FAF1: variants seen among roughly 807,000 people sequenced by gnomAD.
The protein encoded by FAF1 is FAS-associated factor 1.
A neutral mutation model predicts 92.5 loss-of-function variants in FAF1; 25 were observed. The observed-to-expected ratio is 0.27, with a 90% CI of 0.20 to 0.38. The LOEUF (loss-of-function observed/expected upper bound fraction) is 0.38. Among genes scored for constraint, FAF1 ranks in the 10% least tolerant of loss-of-function variants. The probability of loss-of-function intolerance (pLI) is 1.00; values close to 1 mark genes in which losing one functional copy is unlikely to be tolerated. For missense variants in FAF1, 636 were observed against 793.3 expected, an observed-to-expected ratio of 0.80 and a Z score of 2.38; for synonymous variants, 234 against 273.2, an observed-to-expected ratio of 0.86 and a Z score of 1.42.
intron 2 of FAF1, among the ~76,000 whole-genome samples, chr1:50,825,809 C>T (rs1011505809): frequency 6.6e-6 from 1 of 152,102 alleles, no homozygotes; most frequent in Admixed American, 6.5e-5. Flanking sequence ...GGACTGAAAT[C>T]ACATAGTACA....
At chr1:50,753,906 C>A (rs1398922368) in intron 4 of FAF1, among the ~76,000 whole-genome samples, 3 of 151,796 alleles carry the variant, frequency 2.0e-5, no homozygotes, top group Admixed American at 2.0e-4. Flanking sequence ...TACAGGGGTA[C>A]GCCACCATGC....
In FAF1 at chr1:50,475,590, G is replaced by C; in HGVS notation, c.1743C>G (p.Pro581=). The change falls in exon 18 of 19, where the codon CCC becomes CCG. Residue 581 remains proline, a synonymous_variant. Coordinates refer to ENST00000396153, the MANE Select transcript of FAF1 (RefSeq NM_007051.3). ...AACGCCGCTCCAAGAACTCGCCACT[G>C]GGGGTCCGGATCCGCAGTTTGCTCA... The part of the protein sequence containing the change: ...EPVSKLRIRT[P]SGEFLERRFL... 6.2e-7 allele frequency: 1 copy of C among 1,614,022 alleles called. No homozygotes were observed. Among genetic ancestry groups the C allele is most frequent in the Non-Finnish European group, 8.5e-7 (1 of 1,179,908 alleles).
chr1:50,605,241 G>T (rs1652322157), intron 8 of FAF1, among the ~76,000 whole-genome samples: 1 of 152,080 alleles, frequency 6.6e-6, no homozygotes, highest in Admixed American at 6.6e-5. Flanking sequence ...AAATGGATAT[G>T]CTTTTATAAC....
chr1:50,455,782 C>T (rs1646344210), intron 18 of FAF1, among the ~76,000 whole-genome samples: 2 of 152,134 alleles, frequency 1.3e-5, no homozygotes. Flanking sequence ...AGCTTAACCC[C>T]CTTCCTACTG....
At chr1:50,597,426 G>A (rs1651872389) in intron 8 of FAF1, among the ~76,000 whole-genome samples, 1 of 151,754 alleles carries the variant, frequency 6.6e-6, no homozygotes, top group South Asian at 2.1e-4. Flanking sequence ...TGACCCTAGT[G>A]GTGATGATGA....
At chr1:50,710,430 A>C (rs1657872187) in intron 6 of FAF1, among the ~76,000 whole-genome samples, 2 of 152,084 alleles carry the variant, frequency 1.3e-5, no homozygotes, top group African/African-American at 4.8e-5. Context: ...ACTACTTGCT[A>C]GTTCTTTGAC....
intron 15 of FAF1, among the ~76,000 whole-genome samples, chr1:50,500,607 CA>C (rs1646972246): frequency 6.6e-6 from 1 of 151,926 alleles, no homozygotes; most frequent in Non-Finnish European, 1.5e-5. Flanking sequence ...TTAGGTTAGG[CA>C]AATATGACCC....
chr1:50,714,152 C>G (rs1211269150), intron 6 of FAF1, among the ~76,000 whole-genome samples: 1 of 151,912 alleles, frequency 6.6e-6, no homozygotes, highest in African/African-American at 2.4e-5. Flanking sequence ...TTCATTCTCT[C>G]TTCACTGGTA....
intron 8 of FAF1, among the ~76,000 whole-genome samples, chr1:50,642,509 C>T (rs1036312991): frequency 3.3e-5 from 5 of 151,560 alleles, no homozygotes; most frequent in East Asian, 4.0e-4. Flanking sequence ...ATTAGCCAGG[C>T]GTAGGGGCAT....
chr1:50,545,805 T>C (rs912878747), intron 13 of FAF1, among the ~76,000 whole-genome samples: 2 of 152,260 alleles, frequency 1.3e-5, no homozygotes, highest in African/African-American at 2.4e-5. Flanking sequence ...TATATTTTCA[T>C]GTGGAAATCA....
intron 10 of FAF1, among the ~76,000 whole-genome samples, 191 bp downstream of exon 10, chr1:50,584,494 T>C (rs552620604): frequency 1.3e-5 from 2 of 152,278 alleles, no homozygotes; most frequent in East Asian, 3.9e-4. Flanking sequence ...CCTAATGCAC[T>C]GAGAATTTTT....
At chr1:50,700,603 T>C (rs1156611460) in intron 7 of FAF1, among the ~76,000 whole-genome samples, 3 of 152,158 alleles carry the variant, frequency 2.0e-5, no homozygotes, top group African/African-American at 7.2e-5. Context: ...AAAAATCTTA[T>C]GTTTATTAGT....
At chr1:50,739,264 GTGTACATGTGCATACATATACATA>G (rs1659270526) in intron 5 of FAF1, among the ~76,000 whole-genome samples, 2 of 151,920 alleles carry the variant, frequency 1.3e-5, no homozygotes, top group Non-Finnish European at 2.9e-5. Flanking sequence ...ATATGTGCAT[GTGTACATGTGCATACATATACATA>G]TGTACATGTG....
chr1:50,779,647 C>T (rs991309969), intron 4 of FAF1, among the ~76,000 whole-genome samples: 1 of 151,388 alleles, frequency 6.6e-6, no homozygotes, highest in Admixed American at 6.6e-5. Flanking sequence ...TAATTTGTGA[C>T]ACCAATAACA....
At chr1:50,824,737 G>A (rs1376211883) in intron 2 of FAF1, among the ~76,000 whole-genome samples, 1 of 152,100 alleles carries the variant, frequency 6.6e-6, no homozygotes, top group African/African-American at 2.4e-5. Context: ...AACATATGGT[G>A]CATATACACA....
At chr1:50,927,580 A>G (rs1418255882) in intron 1 of FAF1, among the ~76,000 whole-genome samples, 1 of 152,208 alleles carries the variant, frequency 6.6e-6, no homozygotes, top group Non-Finnish European at 1.5e-5. Context: ...TCATATACAT[A>G]AAGTTTTAAA....
chr1:50,946,449 C>T lies in FAF1; in HGVS notation c.45+13318G>A, dbSNP rs118176942. Among the ~76,000 whole-genome samples, 281 of 152,336 alleles carry T rather than the reference C, an allele frequency of 1.8e-3. 9 individuals carry two copies. In the East Asian group the frequency reaches 0.052, roughly 28 times the overall value. On this transcript the variant is annotated intron_variant, in intron 1 of 18. Coordinates refer to ENST00000396153, the MANE Select transcript of FAF1 (RefSeq NM_007051.3). ...TAATAGGCAATAAAGTAGAGAACCA[C>T]TTAATTTGGGCAACATGTTTCTACC...
intron 15 of FAF1, among the ~76,000 whole-genome samples, chr1:50,520,897 T>C (rs1048300598): frequency 2.6e-5 from 4 of 152,180 alleles, no homozygotes; most frequent in African/African-American, 9.7e-5. Context: ...ACTATAAAGA[T>C]TGTTCCTTCT....
intron 7 of FAF1, among the ~76,000 whole-genome samples, chr1:50,663,922 G>A (rs1320434184): frequency 6.6e-6 from 1 of 150,926 alleles, no homozygotes; most frequent in Non-Finnish European, 1.5e-5. Context: ...AATGAGAGAA[G>A]ATACTACCTC....
Sources: allele counts gnomAD v4.1 joint callset (sites outside exome capture counted in the v4.1 genomes callset), GRCh38; gene constraint gnomAD v4.1.1; transcripts MANE v1.5; gene names NCBI Gene and HGNC (gene_info 2026-07-23, HGNC 2026-07-21).